Variants in A2ML1 observed in about 807,000 individuals in gnomAD.
A2ML1 encodes alpha-2-macroglobulin-like protein 1.
A2ML1 carries 161 observed loss-of-function variants against 181.9 expected under a neutral mutation model. The observed-to-expected ratio is 0.89, with a 90% CI of 0.78 to 1.01. A2ML1 has a LOEUF of 1.01. A2ML1 is among the 50% of genes least tolerant of loss of function. A2ML1 has a pLI of 0.00. For missense variants in A2ML1, 1,670 were observed against 1,768.1 expected, an observed-to-expected ratio of 0.94 and a Z score of 1.00; for synonymous variants, 663 against 666.8, an observed-to-expected ratio of 0.99 and a Z score of 0.09.
chr12:8,836,849 T>A (rs745708465), intron 7 of A2ML1, among the ~76,000 whole-genome samples: 1 of 152,156 alleles, frequency 6.6e-6, no homozygotes, highest in Non-Finnish European at 1.5e-5. Flanking sequence ...GTATTATTGA[T>A]TTAGTCTTTA....
intron 33 of A2ML1, among the ~76,000 whole-genome samples, chr12:8,869,810 A>G (rs1276869740): frequency 6.6e-6 from 1 of 152,194 alleles, no homozygotes; most frequent in Non-Finnish European, 1.5e-5. Flanking sequence ...TTAGCTGTAA[A>G]ATGTGTGTGG....
intron 33 of A2ML1, among the ~76,000 whole-genome samples, chr12:8,870,088 G>C (rs1185498073): frequency 1.3e-5 from 2 of 152,176 alleles, no homozygotes; most frequent in East Asian, 1.9e-4. Flanking sequence ...TTCCACACAA[G>C]GAACAAAGTT....
chr12:8,857,188 A>C lies in A2ML1; in HGVS notation c.2873A>C (p.Gln958Pro). ...VLGDIMGTALQNLDGLVQMPS... is the reference protein window; with the variant it reads ...VLGDIMGTALPNLDGLVQMPS... ...GGAGACATTATGGGCACAGCCCTGC[A>C]GAACCTGGATGGTCTGGTGCAGATG... The change falls in exon 24 of 36, where the codon CAG becomes CCG. Residue 958 changes from glutamine to proline, a missense_variant. Coordinates refer to ENST00000299698, the MANE Select transcript of A2ML1 (RefSeq NM_144670.6). The C allele has an allele frequency of 3.1e-6, 5 of 1,612,624 alleles. No homozygotes were observed. The South Asian group carries it at 5.5e-5, about 18-fold the overall frequency.
chr12:8,837,272 G>A (rs1042482924), intron 7 of A2ML1, among the ~76,000 whole-genome samples, 168 bp from the exon 8 acceptor site: 12 of 151,828 alleles, frequency 7.9e-5, no homozygotes, highest in South Asian at 4.2e-4. Context: ...CACCTGTCTC[G>A]GCCTCCCAAA....
At chr12:8,833,137 C>T (rs2136749749) in intron 4 of A2ML1, among the ~76,000 whole-genome samples, 1 of 152,112 alleles carries the variant, frequency 6.6e-6, no homozygotes, top group African/African-American at 2.4e-5. Context: ...CCACATCTGG[C>T]TAATTTTGTA....
Position 8,843,167 on chromosome 12 carries a change from C to T in A2ML1, c.1282C>T (p.Pro428Ser). The change falls in exon 12 of 36, where the codon CCG (proline) becomes TCG (serine). Residue 428 changes from proline to serine, a missense_variant. By Grantham distance (74) the Pro-to-Ser change is moderately conservative (BLOSUM62 -1). Coordinates refer to ENST00000299698, the MANE Select transcript of A2ML1 (RefSeq NM_144670.6). ...KFQMEDLVYN[P>S]EQVPRYYQNA... ...TCAAATGGAAGACTTAGTATATAAT[C>T]CGGAACAAGTGCCACGTTACTACCA... 1.9e-6 allele frequency: 3 copies of T among 1,614,150 alleles called. No homozygotes were observed. Among genetic ancestry groups the T allele is most frequent in the African/African-American group, 1.3e-5 (1 of 75,026 alleles).
intron 14 of A2ML1, 124 bp downstream of exon 14, chr12:8,846,346 A>T: frequency 9.1e-7 from 1 of 1,102,778 alleles, no homozygotes; most frequent in Non-Finnish European, 1.3e-6. Context: ...ATGTTGTATT[A>T]TATTTATATC....
downstream of A2ML1, among the ~76,000 whole-genome samples, chr12:8,879,571 T>G (rs1439775292): frequency 2.0e-5 from 3 of 152,148 alleles, no homozygotes; most frequent in African/African-American, 7.2e-5. Flanking sequence ...ATTTTGGGTC[T>G]GCAGCACTTA....
intron 34 of A2ML1, among the ~76,000 whole-genome samples, 184 bp downstream of exon 34, chr12:8,874,711 C>T (rs768890093): frequency 2.6e-5 from 4 of 152,200 alleles, no homozygotes; most frequent in South Asian, 2.1e-4. Flanking sequence ...TTTTAAGTTG[C>T]GTACACTAGA....
rs1379459944 is a variant in A2ML1, at chr12:8,843,434, T to C, written c.1476+73T>C. The C allele has an allele frequency of 2.8e-6, 4 of 1,454,134 alleles. No homozygotes were observed. In the African/African-American group the frequency reaches 5.6e-5, roughly 20 times the overall value. 90.1% of individuals were successfully genotyped at this position (1,454,134 alleles called of 1,614,324 possible). ...AGAATGAGAAGAGTCAGCCAGAGGG[T>C]GCACCTAGGCTATCTGAATTGCAGA... On this transcript the variant is annotated intron_variant, in intron 12 of 35. Transcript: ENST00000299698.
chr12:8,842,309 C>T (rs992163239), intron 11 of A2ML1, among the ~76,000 whole-genome samples: 1 of 151,956 alleles, frequency 6.6e-6, no homozygotes, highest in African/African-American at 2.4e-5. Flanking sequence ...GCTCCGCCTC[C>T]CCGGTTCACG....
intron 4 of A2ML1, among the ~76,000 whole-genome samples, chr12:8,831,317 C>T (rs776046235): frequency 1.3e-5 from 2 of 152,130 alleles, no homozygotes; most frequent in African/African-American, 2.4e-5. Flanking sequence ...GGGTTCAAAG[C>T]GTGGCCCGCA....
chr12:8,840,160 G>C (rs1943420056), intron 10 of A2ML1, among the ~76,000 whole-genome samples: 1 of 151,750 alleles, frequency 6.6e-6, no homozygotes. Context: ...AAGAGTTCGA[G>C]ACCAGCCTGG....
chr12:8,854,213 C>T lies in A2ML1; in HGVS notation c.2676C>T (p.Gly892=), dbSNP rs188045880. 34 of 1,608,914 alleles carry T rather than the reference C, an allele frequency of 2.1e-5. No homozygotes were observed. The East Asian group carries it at 7.6e-4, about 36-fold the overall frequency. The part of the protein sequence containing the change: ...GGQKGFVPQK[G]RSDTLIKPVL... ...AGAAGGGGTTTGTTCCCCAAAAGGG[C>T]CGAAGTGACACGCTCATCAAGCCAG... The change falls in exon 21 of 36, where the codon GGC becomes GGT. Residue 892 remains glycine, a synonymous_variant. Transcript: ENST00000299698.
In A2ML1 at chr12:8,841,463, T is replaced by C. The variant is rs78584364; in HGVS notation, c.1175T>C (p.Val392Ala). The C allele has an allele frequency of 2.0e-5, 33 of 1,613,986 alleles. No individual in the cohort carries two copies. Among genetic ancestry groups the C allele is most frequent in the Non-Finnish European group, 2.7e-5 (32 of 1,180,036 alleles). Residue 392 changes from valine (V) to alanine (A), a missense_variant, in exon 11 of 36, where the codon GTT becomes GCT. Val to Ala is a moderately conservative substitution (Grantham distance 64). Coordinates refer to ENST00000299698, the MANE Select transcript of A2ML1 (RefSeq NM_144670.6). ...AATGGAACCTTCAACCAGACCCTGG[T>C]TACTGATAACAATGGCCTAGCTCCC... is the stretch of plus-strand genomic sequence containing the variant. ...GTNGTFNQTL[V>A]TDNNGLAPFT...
intron 15 of A2ML1, among the ~76,000 whole-genome samples, 159 bp downstream of exon 15, chr12:8,847,857 G>A (rs542783098): frequency 2.0e-5 from 3 of 152,106 alleles, no homozygotes; most frequent in Non-Finnish European, 4.4e-5. Context: ...AAGTGTAAGA[G>A]GGCTGGGCAC....
intron 33 of A2ML1, among the ~76,000 whole-genome samples, chr12:8,870,168 T>C (rs1006543354): frequency 6.6e-6 from 1 of 152,212 alleles, no homozygotes; most frequent in Non-Finnish European, 1.5e-5. Context: ...GTAACATCCA[T>C]TTCCAACCCC....
intron 10 of A2ML1, among the ~76,000 whole-genome samples, chr12:8,839,988 C>A (rs1943413839): frequency 6.6e-6 from 1 of 152,096 alleles, no homozygotes; most frequent in African/African-American, 2.4e-5. Flanking sequence ...CTCAGGTGAT[C>A]CGTCCACCTG....
intron 28 of A2ML1, among the ~76,000 whole-genome samples, chr12:8,861,738 C>T (rs1205895396): frequency 2.6e-5 from 4 of 151,834 alleles, no homozygotes; most frequent in South Asian, 2.1e-4. Context: ...CCACCCGCCT[C>T]GGCCTCCCAA....
Sources: allele counts gnomAD v4.1 joint callset (sites outside exome capture counted in the v4.1 genomes callset), GRCh38; gene constraint gnomAD v4.1.1; transcripts MANE v1.5; gene names NCBI Gene and HGNC (gene_info 2026-07-23, HGNC 2026-07-21).